The following SYT9 variants were observed in gnomAD, a reference collection of about 807,000 sequenced individuals.
SYT9 encodes the protein synaptotagmin 9.
In SYT9, 22 loss-of-function variants were observed where a neutral mutation model predicts 48.4. That is an observed-to-expected ratio of 0.45 (90% CI 0.32 to 0.65). The LOEUF is 0.65. SYT9 is among the 30% of genes least tolerant of loss of function. The pLI is 0.03. For synonymous variants in SYT9, 265 were observed against 245.0 expected, an observed-to-expected ratio of 1.08 and a Z score of -0.76; for missense variants, 577 against 622.0, an observed-to-expected ratio of 0.93 and a Z score of 0.77.
intron 3 of SYT9, among the ~76,000 whole-genome samples, chr11:7,406,535 C>CACATATAT (rs1341003689): frequency 7.4e-6 from 1 of 135,340 alleles, no homozygotes; most frequent in Non-Finnish European, 1.6e-5. Flanking sequence ...TTCAATTGCG[C>CACATATAT]ATATATATAT....
At chr11:7,339,946 A>C (rs1171890518) in intron 3 of SYT9, among the ~76,000 whole-genome samples, 1 of 152,190 alleles carries the variant, frequency 6.6e-6, no homozygotes, top group African/African-American at 2.4e-5. Flanking sequence ...ATCCTGAAAT[A>C]TGTTTTCCAA....
At chr11:7,415,758 G>T (rs1247001510) in intron 3 of SYT9, among the ~76,000 whole-genome samples, 1 of 152,174 alleles carries the variant, frequency 6.6e-6, no homozygotes, top group Non-Finnish European at 1.5e-5. Context: ...GGACACATGA[G>T]TCTGTACAGG....
At chr11:7,328,073 TA>T (rs1212912952) in intron 3 of SYT9, among the ~76,000 whole-genome samples, 156 of 9,702 alleles carry the variant, frequency 0.016, no homozygotes, top group Non-Finnish European at 0.12. Context: ...AAAGTATAAT[TA>T]AAAATAATAA....
intron 3 of SYT9, among the ~76,000 whole-genome samples, chr11:7,344,943 C>CACACAG (rs1367733954): frequency 6.6e-6 from 1 of 151,560 alleles, no homozygotes; most frequent in East Asian, 1.9e-4. Context: ...CACACACACA[C>CACACAG]ACACACACAC....
intron 3 of SYT9, among the ~76,000 whole-genome samples, chr11:7,386,866 C>T (rs1386720057): frequency 6.6e-6 from 1 of 152,164 alleles, no homozygotes; most frequent in Non-Finnish European, 1.5e-5. Context: ...TATTGCGGCA[C>T]TATTCACAAT....
At chr11:7,272,725 G>C (rs1848319861) in intron 1 of SYT9, among the ~76,000 whole-genome samples, 1 of 152,210 alleles carries the variant, frequency 6.6e-6, no homozygotes, top group Non-Finnish European at 1.5e-5. Context: ...GCACATAGGA[G>C]GGGCACCTAT....
intron 3 of SYT9, among the ~76,000 whole-genome samples, chr11:7,395,801 C>T (rs1339702290): frequency 6.6e-6 from 1 of 151,848 alleles, no homozygotes; most frequent in Non-Finnish European, 1.5e-5. Context: ...CATCCTGTCA[C>T]TCTATGTCAT....
upstream of SYT9, among the ~76,000 whole-genome samples, chr11:7,251,694 C>T (rs944023691): frequency 6.6e-6 from 1 of 152,048 alleles, no homozygotes; most frequent in Non-Finnish European, 1.5e-5. Context: ...CGAAAGCGCC[C>T]GGAGCGCGCA....
At chr11:7,313,286 C>A in intron 2 of SYT9, 109 bp from the exon 3 acceptor site, 1 of 1,188,706 alleles carries the variant, frequency 8.4e-7, no homozygotes, top group Non-Finnish European at 1.2e-6. Context: ...GCCCACAGAT[C>A]TAAGCTCCTG....
At chr11:7,286,283 G>A (rs997148738) in intron 1 of SYT9, among the ~76,000 whole-genome samples, 2 of 152,230 alleles carry the variant, frequency 1.3e-5, no homozygotes, top group African/African-American at 4.8e-5. Context: ...CCACATGGAA[G>A]CTGCCAAGGC....
At chr11:7,337,884 C>G (rs908024229) in intron 3 of SYT9, among the ~76,000 whole-genome samples, 4 of 152,088 alleles carry the variant, frequency 2.6e-5, no homozygotes, top group Admixed American at 2.6e-4. Flanking sequence ...ACAGAATAAG[C>G]TGGGGAGGAT....
At position 7,251,939 on chromosome 11, in the gene SYT9, C is replaced by A; in HGVS notation, c.-248C>A. 2.4e-6 allele frequency: 1 copy of A among 410,056 alleles called. No individual in the cohort carries two copies. The highest frequency in any genetic ancestry group is 4.3e-6 in the Non-Finnish European group (1 of 232,630). The allele number at this position is 410,056 out of a possible 1,614,324, so 25.4% of individuals were successfully genotyped here. ...GTGCGGCACCGCCTCTCCTCGGTGT[C>A]TGGGGAGGGACGGAGGGACCGGGCG... On this transcript the variant is annotated 5_prime_UTR_variant, in exon 1 of 7. In the 5' UTR this introduces an upstream ATG that the reference lacks. Transcript: ENST00000318881.
At chr11:7,242,627 C>T (rs1043792045) in intron 1 of SYT9, among the ~76,000 whole-genome samples, 4 of 152,022 alleles carry the variant, frequency 2.6e-5, no homozygotes, top group Non-Finnish European at 5.9e-5. Context: ...TTCTAAATTC[C>T]ACTTTGTTTC....
At chr11:7,362,462 G>A (rs1850157707) in intron 3 of SYT9, among the ~76,000 whole-genome samples, 1 of 151,908 alleles carries the variant, frequency 6.6e-6, no homozygotes, top group South Asian at 2.1e-4. Flanking sequence ...ATATATTTGT[G>A]TCCAGAAATG....
chr11:7,286,978 G>C (rs1042223413), intron 1 of SYT9, among the ~76,000 whole-genome samples: 28 of 152,294 alleles, frequency 1.8e-4, no homozygotes, highest in African/African-American at 6.3e-4. Context: ...CTGTTACCCA[G>C]TTCCAAAGTC....
In SYT9 at chr11:7,460,899, AG is replaced by A. The variant is rs1452059601; in HGVS notation, c.1468-5891del. Among the ~76,000 whole-genome samples the A allele has an allele frequency of 3.9e-5, 6 of 152,324 alleles. No individual in the cohort carries two copies. The East Asian group carries it at 1.2e-3, about 29-fold the overall frequency. On this transcript the variant is annotated intron_variant, in intron 6 of 6. Coordinates refer to ENST00000318881, the MANE Select transcript of SYT9 (RefSeq NM_175733.4). Reference sequence around the variant, plus strand: ...AATGATCAGTTTAGGAGCTCTTTCTAGGAATTGAAATTACAGAGATGACCAG... The same window carrying A: ...AATGATCAGTTTAGGAGCTCTTTCTAGAATTGAAATTACAGAGATGACCAG...
chr11:7,275,817 G>A (rs530471773), intron 1 of SYT9, among the ~76,000 whole-genome samples: 28 of 152,178 alleles, frequency 1.8e-4, no homozygotes, highest in Non-Finnish European at 3.2e-4. Context: ...CAGGCCCCGC[G>A]TGGCTCACTG....
At chr11:7,375,095 A>G (rs1589981295) in intron 3 of SYT9, among the ~76,000 whole-genome samples, 1 of 152,096 alleles carries the variant, frequency 6.6e-6, no homozygotes, top group African/African-American at 2.4e-5. Flanking sequence ...TAATTTTTGT[A>G]TAAGGTGTAA....
chr11:7,419,233 T>C (rs1847305314), intron 5 of SYT9, among the ~76,000 whole-genome samples: 1 of 152,254 alleles, frequency 6.6e-6, no homozygotes, highest in Non-Finnish European at 1.5e-5. Flanking sequence ...CCAAGTTTCC[T>C]GCATGGACAA....
Sources: allele counts gnomAD v4.1 joint callset (sites outside exome capture counted in the v4.1 genomes callset), GRCh38; gene constraint gnomAD v4.1.1; transcripts MANE v1.5; gene names NCBI Gene and HGNC (gene_info 2026-07-23, HGNC 2026-07-21).